Variants in PDE4D observed in about 807,000 individuals in gnomAD.
PDE4D encodes 3',5'-cyclic-AMP phosphodiesterase 4D.
A neutral mutation model predicts 87.4 loss-of-function variants in PDE4D; 24 were observed. The observed-to-expected ratio is 0.27, with a 90% CI of 0.20 to 0.39. The LOEUF (loss-of-function observed/expected upper bound fraction) is 0.39, where lower values mean the gene tolerates loss of function less well. Ranked by LOEUF, PDE4D falls within the 10% of genes least tolerant of loss-of-function variation. The probability of loss-of-function intolerance (pLI) is 1.00; values close to 1 mark genes in which losing one functional copy is unlikely to be tolerated. For missense variants in PDE4D, 714 were observed against 1,041.0 expected, an observed-to-expected ratio of 0.69 and a Z score of 4.32; for synonymous variants, 384 against 383.2, an observed-to-expected ratio of 1.00 and a Z score of -0.02.
chr5:59,741,206 G>C (rs1758782973), intron 1 of PDE4D, among the ~76,000 whole-genome samples: 1 of 152,112 alleles, frequency 6.6e-6, no homozygotes, highest in Non-Finnish European at 1.5e-5. Context: ...TTTCCTAAAT[G>C]TGTGACCTTG....
At chr5:59,636,546 C>A (rs1832272407) in intron 1 of PDE4D, among the ~76,000 whole-genome samples, 2 of 152,060 alleles carry the variant, frequency 1.3e-5, no homozygotes, top group Non-Finnish European at 2.9e-5. Context: ...CTACTGGTAC[C>A]AAAACAGGTA....
chr5:59,280,750 C>A (rs1228239407), intron 1 of PDE4D, among the ~76,000 whole-genome samples: 1 of 152,072 alleles, frequency 6.6e-6, no homozygotes, highest in Non-Finnish European at 1.5e-5. Context: ...ACAGTAAGTT[C>A]TAAGTGCATG....
At chr5:59,123,923 C>T (rs1774982826) in intron 5 of PDE4D, among the ~76,000 whole-genome samples, 1 of 151,710 alleles carries the variant, frequency 6.6e-6, no homozygotes, top group Non-Finnish European at 1.5e-5. Context: ...CCAGCTTTCT[C>T]ATCTGTATGA....
At chr5:59,000,440 C>T (rs1179402868) in intron 6 of PDE4D, among the ~76,000 whole-genome samples, 1 of 152,174 alleles carries the variant, frequency 6.6e-6, no homozygotes, top group Middle Eastern at 3.2e-3. Flanking sequence ...AACAATACGA[C>T]TAATGTCCAG....
chr5:60,177,948 C>T (rs1784069692), intron 2 of PDE4D, among the ~76,000 whole-genome samples: 1 of 151,994 alleles, frequency 6.6e-6, no homozygotes, highest in African/African-American at 2.4e-5. Flanking sequence ...GTTCATCTTC[C>T]TCATGAATGT....
chr5:59,911,994 T>C (rs1753494587), intron 3 of PDE4D, among the ~76,000 whole-genome samples: 1 of 152,174 alleles, frequency 6.6e-6, no homozygotes, highest in Non-Finnish European at 1.5e-5. Context: ...TTATTTAAAT[T>C]TTCATAGAAT....
chr5:58,999,532 G>A, intron 6 of PDE4D: 1 of 1,527,844 alleles, frequency 6.5e-7, no homozygotes, highest in Non-Finnish European at 8.8e-7. Context: ...GTTTGCTTCA[G>A]GCATTTTTGA....
At chr5:59,013,222 A>G (rs1753208795) in intron 6 of PDE4D, among the ~76,000 whole-genome samples, 7 of 152,218 alleles carry the variant, frequency 4.6e-5, no homozygotes, top group Admixed American at 4.6e-4. Flanking sequence ...TGACACCCTA[A>G]CATCACAATT....
At chr5:59,762,290 G>A (rs377476325) in intron 1 of PDE4D, among the ~76,000 whole-genome samples, 11 of 147,754 alleles carry the variant, frequency 7.4e-5, no homozygotes, top group South Asian at 2.1e-4. Context: ...ACACATATGC[G>A]TATATGGGTA....
chr5:60,518,700 T>C (rs191515010), intron 1 of PDE4D, among the ~76,000 whole-genome samples: 2 of 152,338 alleles, frequency 1.3e-5, no homozygotes, highest in African/African-American at 2.4e-5. Flanking sequence ...TGTTATTTTT[T>C]TTTCTTCAAG....
At chr5:59,936,905 G>A (rs1336056621) in intron 3 of PDE4D, among the ~76,000 whole-genome samples, 1 of 152,170 alleles carries the variant, frequency 6.6e-6, no homozygotes, top group Non-Finnish European at 1.5e-5. Flanking sequence ...CAAGGTTGAG[G>A]AGAAACTGCT....
At chr5:60,321,626 A>G (rs1323733763) in intron 1 of PDE4D, among the ~76,000 whole-genome samples, 1 of 152,202 alleles carries the variant, frequency 6.6e-6, no homozygotes, top group Non-Finnish European at 1.5e-5. Context: ...AGAATGGGAG[A>G]AAATATTTGC....
At chr5:59,160,546 G>A (rs912289387) in intron 5 of PDE4D, among the ~76,000 whole-genome samples, 5 of 151,972 alleles carry the variant, frequency 3.3e-5, no homozygotes, top group African/African-American at 9.7e-5. Context: ...ATCTCACTGC[G>A]CTGCCCAGGC....
intron 1 of PDE4D, among the ~76,000 whole-genome samples, chr5:59,516,638 G>A (rs1811206617): frequency 6.6e-6 from 1 of 152,040 alleles, no homozygotes; most frequent in African/African-American, 2.4e-5. Context: ...AAGAGAAATT[G>A]CAGAATATTT....
chr5:60,197,029 A>ATAGATAGATAGACAGT lies in PDE4D; in HGVS notation c.-89-11343_-89-11342insACTGTCTATCTATCTA, dbSNP rs1554183762. On this transcript the variant is annotated intron_variant, in intron 1 of 16. Transcript: ENST00000502484. ...AAAAACAAGATAGGCAGATAGATAG[A>ATAGATAGATAGACAGT]TAGATAGATAGATAGATAGATAGAT... Among the ~76,000 whole-genome samples the ATAGATAGATAGACAGT allele has an allele frequency of 7.5e-5, 6 of 80,018 alleles. No individual in the cohort carries two copies. The East Asian group carries it at 1.8e-3, about 24-fold the overall frequency. The allele number at this position is 80,018 out of a possible 152,430, so 52.5% of individuals were successfully genotyped here. A position where few individuals can be genotyped will look rare whatever the true frequency, so the allele number is the denominator to read the frequency against.
intron 1 of PDE4D, among the ~76,000 whole-genome samples, chr5:59,376,801 T>TA (rs1784805698): frequency 1.3e-5 from 2 of 152,138 alleles, no homozygotes; most frequent in South Asian, 2.1e-4. Flanking sequence ...AGGGCCACAG[T>TA]AACCAAAACG....
intron 1 of PDE4D, among the ~76,000 whole-genome samples, chr5:59,681,579 G>A (rs1749013629): frequency 6.6e-6 from 1 of 152,080 alleles, no homozygotes. Context: ...TACTTTATCT[G>A]TTATCATAGG....
In PDE4D at chr5:59,868,867, GA is replaced by G. The variant is rs1361750923; in HGVS notation, c.455+24300del. ...CTAACAGATTCATATTTTAATTTAAGAAATACCAAACTATTTCCCATCTCCT... is the reference window on the plus strand; with the variant it reads ...CTAACAGATTCATATTTTAATTTAAGAATACCAAACTATTTCCCATCTCCT... On this transcript the variant is annotated intron_variant, in intron 1 of 14. Coordinates refer to ENST00000340635, the MANE Select transcript of PDE4D (RefSeq NM_001104631.2). Among the ~76,000 whole-genome samples, 18 of 152,274 alleles carry G rather than the reference GA, an allele frequency of 1.2e-4. No individual in the cohort carries two copies. The East Asian group carries it at 3.5e-3, about 29-fold the overall frequency.
At chr5:59,072,723 T>C (rs1045645134) in intron 5 of PDE4D, among the ~76,000 whole-genome samples, 1 of 152,252 alleles carries the variant, frequency 6.6e-6, no homozygotes, top group Non-Finnish European at 1.5e-5. Flanking sequence ...TGTTGTTTTT[T>C]TGTTTTCTGT....
Sources: allele counts gnomAD v4.1 joint callset (sites outside exome capture counted in the v4.1 genomes callset), GRCh38; gene constraint gnomAD v4.1.1; transcripts MANE v1.5; gene names NCBI Gene and HGNC (gene_info 2026-07-23, HGNC 2026-07-21).